SPECC1: variants seen among roughly 807,000 people sequenced by gnomAD.
SPECC1 encodes sperm antigen with calponin homology and coiled-coil domains 1, also known as cytospin-B.
Under a neutral mutation model 104.1 loss-of-function variants are expected in SPECC1, and 62 were observed. The observed-to-expected ratio is 0.60, with a 90% CI of 0.49 to 0.74. The LOEUF (loss-of-function observed/expected upper bound fraction) is 0.74. Ranked by LOEUF, SPECC1 falls within the 30% of genes least tolerant of loss-of-function variation. The pLI, the probability that SPECC1 is intolerant of heterozygous loss-of-function variation, is 0.00. For missense variants in SPECC1, 1,306 were observed against 1,310.5 expected (o/e 1.00, Z 0.05); for synonymous variants, 513 against 501.6 (o/e 1.02, Z -0.30).
At chr17:20,190,257 G>A (rs993303889) in intron 3 of SPECC1, among the ~76,000 whole-genome samples, 7 of 152,042 alleles carry the variant, frequency 4.6e-5, no homozygotes, top group South Asian at 2.1e-4. Context: ...TAAAGCTGAC[G>A]GATTGCTAAT....
intron 3 of SPECC1, among the ~76,000 whole-genome samples, chr17:20,200,413 G>C (rs190220436): frequency 2.6e-5 from 4 of 152,298 alleles, no homozygotes; most frequent in African/African-American, 4.8e-5. Context: ...TCATAATTAT[G>C]AGATGGAGCT....
chr17:20,235,985 T>A (rs1045451650), intron 7 of SPECC1, among the ~76,000 whole-genome samples: 2 of 152,228 alleles, frequency 1.3e-5, no homozygotes, highest in Non-Finnish European at 2.9e-5. Context: ...GTGCCTGTGC[T>A]GCCCTCTGTG....
intron 1 of SPECC1, among the ~76,000 whole-genome samples, chr17:20,070,951 C>A (rs1413116168): frequency 6.6e-6 from 1 of 151,950 alleles, no homozygotes; most frequent in African/African-American, 2.4e-5. Context: ...CCTATATTTT[C>A]TTTCTTTTTT....
intron 12 of SPECC1, among the ~76,000 whole-genome samples, chr17:20,285,504 C>T (rs2040913103): frequency 6.6e-6 from 1 of 151,902 alleles, no homozygotes; most frequent in Non-Finnish European, 1.5e-5. Context: ...CTAAGACTTT[C>T]ATCAAAAAGT....
chr17:20,206,681 A>G (rs1171346728), intron 4 of SPECC1, among the ~76,000 whole-genome samples: 1 of 152,060 alleles, frequency 6.6e-6, no homozygotes, highest in African/African-American at 2.4e-5. Flanking sequence ...ACTTTTTTAT[A>G]TCTATCTTAC....
At chr17:20,241,438 C>G (rs2039197136) in intron 7 of SPECC1, among the ~76,000 whole-genome samples, 2 of 152,180 alleles carry the variant, frequency 1.3e-5, no homozygotes, top group Non-Finnish European at 2.9e-5. Flanking sequence ...TCATGCTCCT[C>G]TCCAGCCTTG....
chr17:20,310,349 C>A (rs939519352), intron 14 of SPECC1, among the ~76,000 whole-genome samples: 1 of 152,130 alleles, frequency 6.6e-6, no homozygotes, highest in African/African-American at 2.4e-5. Context: ...TTTACATTTC[C>A]ACCAAGAGTG....
At chr17:20,102,550 A>G (rs1303522049) in intron 2 of SPECC1, among the ~76,000 whole-genome samples, 1 of 152,202 alleles carries the variant, frequency 6.6e-6, no homozygotes, top group Non-Finnish European at 1.5e-5. Context: ...GAGTCAGCTG[A>G]GTGTGGCTGG....
chr17:20,018,712 G>A (rs1236367956), intron 1 of SPECC1, among the ~76,000 whole-genome samples: 1 of 152,186 alleles, frequency 6.6e-6, no homozygotes, highest in East Asian at 1.9e-4. Context: ...AAGGTGCATG[G>A]GGCCAAGTCC....
At chr17:20,254,619 G>A (rs1405802898) in intron 10 of SPECC1, among the ~76,000 whole-genome samples, 2 of 152,074 alleles carry the variant, frequency 1.3e-5, no homozygotes, top group East Asian at 1.9e-4. Context: ...TCCAGAATAC[G>A]GGGCTTAGAA....
chr17:20,101,165 C>T (rs779329324), intron 2 of SPECC1, among the ~76,000 whole-genome samples: 57 of 152,088 alleles, frequency 3.7e-4, no homozygotes, highest in African/African-American at 1.2e-3. Flanking sequence ...ATTTATATTC[C>T]GTTGGGTATA....
At chr17:20,292,922 C>A (rs1456117789) in intron 12 of SPECC1, among the ~76,000 whole-genome samples, 1 of 152,196 alleles carries the variant, frequency 6.6e-6, no homozygotes, top group Non-Finnish European at 1.5e-5. Context: ...AAAGCAGACT[C>A]CAGGACACTG....
At chr17:20,179,199 A>G (rs1567907634) in intron 3 of SPECC1, among the ~76,000 whole-genome samples, 1 of 152,258 alleles carries the variant, frequency 6.6e-6, no homozygotes. Context: ...CAGCGCATCA[A>G]ATCTTACACA....
rs201791129 is a variant in SPECC1, at chr17:20,205,525, C to A, written c.1476C>A (p.Thr492=). 2.7e-5 allele frequency: 44 copies of A among 1,614,060 alleles called. No homozygotes were observed. Among genetic ancestry groups the A allele is most frequent in the Non-Finnish European group, 3.6e-5 (43 of 1,180,038 alleles). Residue 492 remains threonine, a synonymous_variant, in exon 4 of 15, where the codon ACC becomes ACA. Transcript: ENST00000395527. ...EKLLNIQQQL[T]CSLRKVEEEN... ...TACTCAACATTCAGCAGCAGTTGAC[C>A]TGTAGCTTGCGGAAGGTTGAGGAAG...
chr17:20,027,203 A>C (rs1038030038), intron 1 of SPECC1, among the ~76,000 whole-genome samples: 2 of 152,330 alleles, frequency 1.3e-5, no homozygotes, highest in South Asian at 2.1e-4. Flanking sequence ...TACTGGCAGA[A>C]TGATAGTGAC....
At chr17:20,151,693 G>C (rs977554553) in intron 3 of SPECC1, among the ~76,000 whole-genome samples, 9 of 152,134 alleles carry the variant, frequency 5.9e-5, no homozygotes, top group African/African-American at 2.2e-4. Context: ...TCAGGCAGTT[G>C]GTTTTTCATT....
chr17:20,175,744 A>G (rs1240005551), intron 3 of SPECC1, among the ~76,000 whole-genome samples: 1 of 152,148 alleles, frequency 6.6e-6, no homozygotes, highest in East Asian at 1.9e-4. Context: ...GCTCCTGGAG[A>G]TTAAGTACTG....
intron 9 of SPECC1, among the ~76,000 whole-genome samples, chr17:20,251,240 A>AAAAAAAAAAAAAAAAAAAAAAAAAAC (rs1491006700): frequency 6.7e-6 from 1 of 150,158 alleles, no homozygotes; most frequent in African/African-American, 2.4e-5. Context: ...AAAAAAAAAA[A>AAAAAAAAAAAAAAAAAAAAAAAAAAC]AGCATATGGT....
chr17:20,099,297 T>C (rs958745179), intron 2 of SPECC1, among the ~76,000 whole-genome samples: 3 of 152,076 alleles, frequency 2.0e-5, no homozygotes, highest in African/African-American at 7.2e-5. Context: ...ATAAGCAACA[T>C]ATAAACTTAG....
Sources: gnomAD v4.1 joint callset for allele counts (sites outside exome capture counted in the v4.1 genomes callset) on GRCh38, gnomAD v4.1.1 for gene constraint, MANE v1.5 for transcripts, NCBI Gene and HGNC (gene_info 2026-07-23, HGNC 2026-07-21) for gene names.